Variants in COL23A1 observed in about 807,000 individuals in gnomAD.
COL23A1 encodes the protein collagen type XXIII alpha 1 chain, also known as collagen alpha-1(XXIII) chain.
Under a neutral mutation model 99.3 loss-of-function variants are expected in COL23A1, and 97 were observed. That is an observed-to-expected ratio of 0.98 (90% CI 0.83 to 1.16). The LOEUF (loss-of-function observed/expected upper bound fraction) is 1.16, where lower values mean the gene tolerates loss of function less well. COL23A1 is among the 50% of genes most tolerant of loss of function. COL23A1 has a pLI of 0.00. For missense variants in COL23A1, 762 were observed against 757.4 expected (o/e 1.01, Z -0.07); for synonymous variants, 320 against 308.2 (o/e 1.04, Z -0.40).
At chr5:178,364,365 G>T (rs1762342219) in intron 2 of COL23A1, among the ~76,000 whole-genome samples, 1 of 118,546 alleles carries the variant, frequency 8.4e-6, no homozygotes, top group African/African-American at 3.1e-5. Context: ...CTTGGTTTGG[G>T]ATTGGCAGCT....
At chr5:178,467,594 T>G (rs1380715346) in intron 2 of COL23A1, among the ~76,000 whole-genome samples, 1 of 152,186 alleles carries the variant, frequency 6.6e-6, no homozygotes, top group African/African-American at 2.4e-5. Flanking sequence ...TTGAAGGATG[T>G]GTGGAAATTC....
At chr5:178,436,339 G>A (rs528692134) in intron 2 of COL23A1, among the ~76,000 whole-genome samples, 1 of 152,094 alleles carries the variant, frequency 6.6e-6, no homozygotes, top group Admixed American at 6.5e-5. Flanking sequence ...ATCCCAGGCA[G>A]CCGGTGTCCA....
intron 2 of COL23A1, among the ~76,000 whole-genome samples, chr5:178,476,751 G>A (rs1757051482): frequency 6.6e-6 from 1 of 152,256 alleles, no homozygotes; most frequent in Non-Finnish European, 1.5e-5. Flanking sequence ...ATCAGAGACA[G>A]TGCCAGGGCC....
chr5:178,549,114 G>A (rs1761870472), intron 2 of COL23A1, among the ~76,000 whole-genome samples: 1 of 152,092 alleles, frequency 6.6e-6, no homozygotes, highest in African/African-American at 2.4e-5. Context: ...TCCTGCCTCA[G>A]CCCCGAGGAG....
intron 16 of COL23A1, among the ~76,000 whole-genome samples, chr5:178,253,116 C>T (rs1171914812): frequency 1.3e-5 from 2 of 151,384 alleles, no homozygotes; most frequent in African/African-American, 4.8e-5. Context: ...TTTCCAGGTC[C>T]GACCCCACTC....
chr5:178,247,781 G>C lies in COL23A1; in HGVS notation c.1263C>G (p.Gly421=), dbSNP rs753673324. The change falls in exon 21 of 29, where the codon GGC becomes GGG. Residue 421 remains glycine (G), a synonymous_variant. Coordinates refer to ENST00000390654, the MANE Select transcript of COL23A1 (RefSeq NM_173465.4). Reference sequence around the variant, plus strand: ...CAAAGCAAACCGTCCTTACCATCGGGCCTGGGGGGCCAGGGGGGCCAGGGG... The same window carrying C: ...CAAAGCAAACCGTCCTTACCATCGGCCCTGGGGGGCCAGGGGGGCCAGGGG... ...PGPPGPPGPP[G]PMGLQGIQGP... is the part of the protein sequence containing the mutation. 6.2e-7 allele frequency: 1 copy of C among 1,613,446 alleles called. No individual in the cohort carries two copies. The highest frequency in any genetic ancestry group is 2.2e-5 in the East Asian group (1 of 44,860).
chr5:178,376,706 A>G (rs1335895728), intron 2 of COL23A1, among the ~76,000 whole-genome samples: 1 of 152,232 alleles, frequency 6.6e-6, no homozygotes, highest in East Asian at 1.9e-4. Flanking sequence ...AGACAGTGGA[A>G]CCAGATGCTT....
At chr5:178,470,077 T>C (rs6887137) in intron 2 of COL23A1, among the ~76,000 whole-genome samples, 142,075 of 152,304 alleles carry the variant, frequency 0.93, 66,374 homozygotes, top group East Asian at 1. Flanking sequence ...TACTCCATCA[T>C]CTCCATATCC....
intron 2 of COL23A1, among the ~76,000 whole-genome samples, chr5:178,420,314 A>G (rs967605499): frequency 6.6e-6 from 1 of 151,552 alleles, no homozygotes; most frequent in Non-Finnish European, 1.5e-5. Flanking sequence ...CACAGGCCAT[A>G]TGGGACAGGT....
chr5:178,251,321 G>A (rs1022663457), intron 17 of COL23A1, among the ~76,000 whole-genome samples: 17 of 151,908 alleles, frequency 1.1e-4, no homozygotes, highest in Middle Eastern at 3.4e-3. Flanking sequence ...GTGCCCGGCC[G>A]CAAGATAATT....
At chr5:178,553,834 TC>T (rs1428051805) in intron 2 of COL23A1, among the ~76,000 whole-genome samples, 2 of 152,320 alleles carry the variant, frequency 1.3e-5, no homozygotes, top group Non-Finnish European at 2.9e-5. Flanking sequence ...TCCTGAAGAT[TC>T]CCAGTGGCCT....
rs911112111 is a variant in COL23A1 at position 178,257,700 on chromosome 5, C to G, written c.730-133G>C. The G allele has an allele frequency of 5.6e-6, 5 of 897,034 alleles. No homozygotes were observed. In the South Asian group the frequency reaches 7.4e-5, roughly 13 times the overall value. 55.6% of individuals were successfully genotyped at this position (897,034 alleles called of 1,614,324 possible). ...GGCACATGGTACCAGGCAGCTCCTCCCCACCCTCCTTGCCCCTCCAGGGCA... is the reference window on the plus strand; with the variant it reads ...GGCACATGGTACCAGGCAGCTCCTCGCCACCCTCCTTGCCCCTCCAGGGCA... On this transcript the variant is annotated intron_variant, in intron 12 of 28. Coordinates refer to ENST00000390654, the MANE Select transcript of COL23A1 (RefSeq NM_173465.4).
chr5:178,264,137 T>C (rs1488643628), intron 8 of COL23A1, among the ~76,000 whole-genome samples: 3 of 151,934 alleles, frequency 2.0e-5, no homozygotes, highest in Admixed American at 6.6e-5. Flanking sequence ...TGTGTTAAAA[T>C]TGCACAGAAC....
chr5:178,311,006 G>T (rs953621521), intron 2 of COL23A1, among the ~76,000 whole-genome samples: 1 of 152,158 alleles, frequency 6.6e-6, no homozygotes, highest in African/African-American at 2.4e-5. Context: ...GATGCTGCTG[G>T]AAAACTTGTC....
intron 2 of COL23A1, among the ~76,000 whole-genome samples, chr5:178,551,791 T>A (rs960924594): frequency 5.3e-5 from 8 of 152,176 alleles, no homozygotes; most frequent in African/African-American, 1.9e-4. Context: ...GAACCAAGTA[T>A]GATCTAGTCT....
In COL23A1 at chr5:178,468,357, T is replaced by C. The variant is rs972851296; in HGVS notation, c.361+92325A>G. 3.3e-5 allele frequency among the ~76,000 whole-genome samples: 5 copies of C among 152,144 alleles called. No individual in the cohort carries two copies. Among genetic ancestry groups the C allele is most frequent in the Non-Finnish European group, 4.4e-5 (3 of 68,004 alleles). The stretch of plus-strand genomic sequence containing the variant: ...ACGGAGGTGCAAGACAGGGAGGGGA[T>C]GGAAGCCAGCACGTGGGTCAAAGGG... On this transcript the variant is annotated intron_variant, in intron 2 of 28. Coordinates refer to ENST00000390654, the MANE Select transcript of COL23A1 (RefSeq NM_173465.4). This position sits in a 1 kb window ranked among gnomAD's most constrained non-coding sequence, Gnocchi z 4.2.
At chr5:178,409,452 G>C (rs1764952055) in intron 2 of COL23A1, among the ~76,000 whole-genome samples, 1 of 152,106 alleles carries the variant, frequency 6.6e-6, no homozygotes, top group African/African-American at 2.4e-5. Context: ...GTCATGGTAT[G>C]ATAGTGCTGT....
chr5:178,495,831 C>T (rs1581503060), intron 2 of COL23A1, among the ~76,000 whole-genome samples: 1 of 152,264 alleles, frequency 6.6e-6, no homozygotes, highest in East Asian at 1.9e-4. Context: ...GCTTTCTAGC[C>T]GTTCCAAGCA....
chr5:178,477,871 C>T (rs1330704189), intron 2 of COL23A1, among the ~76,000 whole-genome samples: 1 of 152,108 alleles, frequency 6.6e-6, no homozygotes, highest in Non-Finnish European at 1.5e-5. Flanking sequence ...TTGCGAGAGC[C>T]GTAGGAGGTA....
Sources: gnomAD v4.1 joint callset for allele counts (sites outside exome capture counted in the v4.1 genomes callset) on GRCh38, gnomAD v4.1.1 for gene constraint, Gnocchi (gnomAD v3.1) non-coding constraint, MANE v1.5 for transcripts, NCBI Gene and HGNC (gene_info 2026-07-23, HGNC 2026-07-21) for gene names.